The following USP6NL variants were observed in gnomAD, a reference collection of about 807,000 sequenced individuals.
USP6NL encodes the protein USP6 N-terminal-like protein.
A neutral mutation model predicts 61.9 loss-of-function variants in USP6NL; 26 were observed. That is an observed-to-expected ratio of 0.42 (90% CI 0.31 to 0.58). USP6NL has a LOEUF of 0.58. Among genes scored for constraint, USP6NL ranks in the 20% least tolerant of loss-of-function variants. The probability of loss-of-function intolerance (pLI) is 0.16; values close to 1 mark genes in which losing one functional copy is unlikely to be tolerated. For synonymous variants in USP6NL, 432 were observed against 390.1 expected, an observed-to-expected ratio of 1.11 and a Z score of -1.27; for missense variants, 1,114 against 1,034.3, an observed-to-expected ratio of 1.08 and a Z score of -1.06.
chr10:11,514,330 T>C (rs1397942140), intron 5 of USP6NL, among the ~76,000 whole-genome samples: 1 of 148,830 alleles, frequency 6.7e-6, no homozygotes, highest in Non-Finnish European at 1.5e-5. Flanking sequence ...ACTGTGATGG[T>C]GGTAAAATGG....
intron 7 of USP6NL, among the ~76,000 whole-genome samples, chr10:11,494,726 G>A (rs971164318): frequency 2.0e-5 from 3 of 152,070 alleles, no homozygotes; most frequent in African/African-American, 7.3e-5. Context: ...GGCAGCTGAG[G>A]CAGAGAGAGA....
At position 11,465,580 on chromosome 10, in the gene USP6NL, G is replaced by C. The variant is rs148127252; in HGVS notation, c.1079-1731C>G. On this transcript the variant is annotated intron_variant, in intron 14 of 14. Transcript: ENST00000609104. The surrounding 1 kb of genome is among the most constrained non-coding windows in gnomAD (Gnocchi z 4.5). ...AACAAACAAAACCAAAAAAGGAATA[G>C]ATTTCCAGCTGGTCTGCTGCTGCTG... Among the ~76,000 whole-genome samples, 410 of 152,242 alleles carry C rather than the reference G, an allele frequency of 2.7e-3. 3 individuals carry two copies. Among genetic ancestry groups the C allele is most frequent in the African/African-American group, 9.4e-3 (389 of 41,498 alleles).
In USP6NL at chr10:11,597,644, T is replaced by G; in HGVS notation, c.-10A>C. The G allele has an allele frequency of 6.4e-7, 1 of 1,551,482 alleles. No homozygotes were observed. Among genetic ancestry groups the G allele is most frequent in the South Asian group, 1.2e-5 (1 of 84,048 alleles). On this transcript the variant is annotated 5_prime_UTR_variant, in exon 2 of 15. Transcript: ENST00000609104. This position sits in a 1 kb window ranked among gnomAD's most constrained non-coding sequence, Gnocchi z 4.6. ...CAGCGCACTTACTCATGACTGGAAA[T>G]GGGTCTGAATGTTGTCCCAATCAGA...
At position 11,596,360 on chromosome 10, in the gene USP6NL, G is replaced by A. The variant is rs1250752692; in HGVS notation, c.4+1271C>T. The stretch of plus-strand genomic sequence containing the variant: ...TTCTTGGCCGGGCGCGGTGGCTCAC[G>A]CCTGTAATCCCAGCATTTTGGGAGG... On this transcript the variant is annotated intron_variant, in intron 2 of 14. Coordinates refer to ENST00000609104, the MANE Select transcript of USP6NL (RefSeq NM_014688.5). The surrounding 1 kb of genome is among the most constrained non-coding windows in gnomAD (Gnocchi z 4.1). 2.0e-5 allele frequency among the ~76,000 whole-genome samples: 3 copies of A among 152,118 alleles called. No homozygotes were observed. The highest frequency in any genetic ancestry group is 2.9e-5 in the Non-Finnish European group (2 of 68,026).
intron 14 of USP6NL, among the ~76,000 whole-genome samples, chr10:11,469,507 A>C (rs1327336186): frequency 6.6e-6 from 1 of 152,218 alleles, no homozygotes; most frequent in Non-Finnish European, 1.5e-5. Flanking sequence ...CTAAATGATA[A>C]CCTCTCTTTA....
At position 11,585,290 on chromosome 10, in the gene USP6NL, T is replaced by G. The variant is rs938095823; in HGVS notation, c.4+12341A>C. Among the ~76,000 whole-genome samples the G allele has an allele frequency of 2.0e-5, 3 of 152,114 alleles. No individual in the cohort carries two copies. Among genetic ancestry groups the G allele is most frequent in the African/African-American group, 4.8e-5 (2 of 41,418 alleles). Reference sequence around the variant, plus strand: ...ACCACTATGGAAAACAGTATGGCAGTTCCTTGCAAAATTAAAAAAAAGAAT... The same window carrying G: ...ACCACTATGGAAAACAGTATGGCAGGTCCTTGCAAAATTAAAAAAAAGAAT... On this transcript the variant is annotated intron_variant, in intron 2 of 14. Transcript: ENST00000609104. This position sits in a 1 kb window ranked among gnomAD's most constrained non-coding sequence, Gnocchi z 4.5.
chr10:11,557,401 G>T (rs939699975), intron 2 of USP6NL, among the ~76,000 whole-genome samples: 1 of 152,134 alleles, frequency 6.6e-6, no homozygotes, highest in Non-Finnish European at 1.5e-5. Context: ...GCCTTTTTAC[G>T]ATAAAACCAC....
rs1260971136 is a variant in USP6NL at position 11,589,658 on chromosome 10, C to A, written c.4+7973G>T. Among the ~76,000 whole-genome samples, 2 of 152,124 alleles carry A rather than the reference C, an allele frequency of 1.3e-5. No individual in the cohort carries two copies. Among genetic ancestry groups the A allele is most frequent in the African/African-American group, 2.4e-5 (1 of 41,406 alleles). On this transcript the variant is annotated intron_variant, in intron 2 of 14. Coordinates refer to ENST00000609104, the MANE Select transcript of USP6NL (RefSeq NM_014688.5). The surrounding 1 kb of genome is among the most constrained non-coding windows in gnomAD (Gnocchi z 4.7). The stretch of plus-strand genomic sequence containing the variant: ...CAGTGCTTTACTGTAGTGTTCAAAC[C>A]TTTACTAAGGCATCCTATAAATTCC...
chr10:11,556,951 T>A (rs974307624), intron 2 of USP6NL, among the ~76,000 whole-genome samples: 1 of 152,204 alleles, frequency 6.6e-6, no homozygotes, highest in East Asian at 1.9e-4. Flanking sequence ...GGTTTTTTTA[T>A]ATTCCTTGCA....
intron 2 of USP6NL, chr10:11,563,199 C>T (rs1837005545): frequency 6.6e-6 from 1 of 151,950 alleles, no homozygotes; most frequent in Admixed American, 6.6e-5. Flanking sequence ...TATATGATTC[C>T]ATTTATATAG....
At chr10:11,466,080 T>G (rs1016527958) in intron 14 of USP6NL, among the ~76,000 whole-genome samples, 1 of 152,228 alleles carries the variant, frequency 6.6e-6, no homozygotes, top group African/African-American at 2.4e-5. Context: ...TCCAATACTT[T>G]GCAGATTTCT....
intron 2 of USP6NL, among the ~76,000 whole-genome samples, chr10:11,544,594 T>C (rs1836204271): frequency 6.6e-6 from 1 of 152,046 alleles, no homozygotes; most frequent in Non-Finnish European, 1.5e-5. Context: ...TTCAAGCAAT[T>C]CTCCTGCCTC....
intron 6 of USP6NL, among the ~76,000 whole-genome samples, chr10:11,508,227 T>C (rs1224064129): frequency 6.6e-6 from 1 of 152,202 alleles, no homozygotes; most frequent in Non-Finnish European, 1.5e-5. Context: ...ATAGGGGTAG[T>C]TAACATTTAC....
intron 2 of USP6NL, among the ~76,000 whole-genome samples, chr10:11,568,627 C>T (rs1218651592): frequency 3.9e-5 from 6 of 152,192 alleles, no homozygotes; most frequent in African/African-American, 1.4e-4. Context: ...GTGAGAATCA[C>T]TTTGACTACA....
chr10:11,566,426 T>C (rs1370751457), intron 2 of USP6NL, among the ~76,000 whole-genome samples: 1 of 152,238 alleles, frequency 6.6e-6, no homozygotes, highest in Non-Finnish European at 1.5e-5. Context: ...ATGGGGGCCA[T>C]TCTAAGCACT....
intron 4 of USP6NL, among the ~76,000 whole-genome samples, chr10:11,522,249 C>T (rs543937246): frequency 6.6e-6 from 1 of 152,280 alleles, no homozygotes; most frequent in South Asian, 2.1e-4. Context: ...ACAAAGGTTG[C>T]AAAGTTATTT....
chr10:11,573,473 T>C, intron 2 of USP6NL: 1 of 393,748 alleles, frequency 2.5e-6, no homozygotes, highest in Non-Finnish European at 4.5e-6. Flanking sequence ...CCTTTTCAGA[T>C]ACCATAATAT....
intron 6 of USP6NL, among the ~76,000 whole-genome samples, chr10:11,506,147 A>G (rs1389289137): frequency 1.3e-5 from 2 of 152,204 alleles, no homozygotes; most frequent in East Asian, 1.9e-4. Context: ...TTTCTAGGCA[A>G]TATGCCTCCA....
chr10:11,471,148 A>G (rs1279498227), intron 14 of USP6NL, among the ~76,000 whole-genome samples: 1 of 152,078 alleles, frequency 6.6e-6, no homozygotes, highest in African/African-American at 2.4e-5. Context: ...ACGCCACTGC[A>G]CTCCAGCCTG....
Sources: allele counts gnomAD v4.1 joint callset (sites outside exome capture counted in the v4.1 genomes callset), GRCh38; gene constraint gnomAD v4.1.1; non-coding constraint Gnocchi (gnomAD v3.1); transcripts MANE v1.5; gene names NCBI Gene and HGNC (gene_info 2026-07-23, HGNC 2026-07-21).